CPZ: variants seen among roughly 807,000 people sequenced by gnomAD.
The protein encoded by CPZ is VEZT/CPZ fusion.
In CPZ, 103 loss-of-function variants were observed where a neutral mutation model predicts 61.8. That is an observed-to-expected ratio of 1.67 (90% CI 1.42 to 1.96). The LOEUF (loss-of-function observed/expected upper bound fraction) is 1.96. Ranked by LOEUF, CPZ falls within the 30% of genes most tolerant of loss-of-function variation. The pLI is 0.00. For missense variants in CPZ, 1,461 were observed against 914.9 expected, an observed-to-expected ratio of 1.60 and a Z score of -7.70; for synonymous variants, 551 against 373.7, an observed-to-expected ratio of 1.47 and a Z score of -5.47.
rs529756948 is a variant in CPZ at position 8,601,401 on chromosome 4, G to T, written c.400G>T (p.Asp134Tyr). Residue 134 changes from aspartate (D) to tyrosine (Y), a missense_variant, in exon 3 of 11, where the codon GAC becomes TAC. Physicochemically the swap from Asp to Tyr is radical, Grantham distance 160. Transcript: ENST00000360986. The part of the protein sequence containing the change: ...GLREVCQPAF[D>Y]AIDMAWPYFL... ...GCGGGAGGTCTGCCAGCCCGCCTTCGACGCCATTGACATGGCCTGGCCCTA... is the reference window on the plus strand; with the variant it reads ...GCGGGAGGTCTGCCAGCCCGCCTTCTACGCCATTGACATGGCCTGGCCCTA... 2 of 1,589,614 alleles carry T rather than the reference G, an allele frequency of 1.3e-6. No individual in the cohort carries two copies. Among genetic ancestry groups the T allele is most frequent in the East Asian group, 2.3e-5 (1 of 43,684 alleles).
chr4:8,592,768 G>A lies in CPZ; in HGVS notation c.-66G>A, dbSNP rs1320913243. 4 of 1,204,616 alleles carry A rather than the reference G, an allele frequency of 3.3e-6. No individual in the cohort carries two copies. The East Asian group carries it at 1.3e-4, about 38-fold the overall frequency. The allele number at this position is 1,204,616 out of a possible 1,614,324, so 74.6% of individuals were successfully genotyped here. On this transcript the variant is annotated 5_prime_UTR_variant, in exon 1 of 11. Coordinates refer to ENST00000360986, the MANE Select transcript of CPZ (RefSeq NM_001014447.3). ...GGGGCGGGAGCCCAGCGAGCGCAGA[G>A]CCCCGGCCCCGCGCGGCCCGAGTGC...
intron 4 of CPZ, among the ~76,000 whole-genome samples, chr4:8,605,363 C>T (rs933230194): frequency 1.8e-5 from 2 of 113,160 alleles, no homozygotes; most frequent in African/African-American, 4.5e-5. Context: ...TTCATTCAGC[C>T]ATTACACATC....
chr4:8,593,058 A>G (rs1358244780), intron 1 of CPZ, 137 bp downstream of exon 1: 2 of 668,144 alleles, frequency 3.0e-6, no homozygotes, highest in Admixed American at 6.6e-5. Flanking sequence ...ACGTCTCCAA[A>G]GTGGGCAGCA....
chr4:8,614,267 C>T (rs1364741444), intron 8 of CPZ, 92 bp from the exon 9 acceptor site: 5 of 1,472,042 alleles, frequency 3.4e-6, no homozygotes, highest in Non-Finnish European at 3.6e-6. Context: ...ACCCCGGCGT[C>T]CCGGCTGTCT....
chr4:8,611,888 C>G, intron 7 of CPZ, 139 bp from the exon 8 acceptor site: 1 of 1,238,260 alleles, frequency 8.1e-7, no homozygotes, highest in Non-Finnish European at 1.1e-6. Context: ...CCGTTCCCCT[C>G]TCCTACCTGC....
At chr4:8,616,009 T>C (rs532403984) in intron 9 of CPZ, among the ~76,000 whole-genome samples, 15 of 152,342 alleles carry the variant, frequency 9.8e-5, no homozygotes, top group Non-Finnish European at 1.8e-4. Context: ...CATTGCATTT[T>C]GCGGCTGTCT....
rs150224995 is a variant in CPZ at position 8,614,580 on chromosome 4, C to T, written c.1503+82C>T. ...ACATTCAGGCCCCCAGGGCAGCCCC[C>T]GTAGCCTCACTGCCCCATACACACA... is the stretch of plus-strand genomic sequence containing the variant. On this transcript the variant is annotated intron_variant, in intron 9 of 10. Coordinates refer to ENST00000360986, the MANE Select transcript of CPZ (RefSeq NM_001014447.3). 1,788 of 1,453,784 alleles carry T rather than the reference C, an allele frequency of 1.2e-3. 11 individuals carry two copies. The highest frequency in any genetic ancestry group is 0.011 in the South Asian group (867 of 76,558). The allele number at this position is 1,453,784 out of a possible 1,614,324, so 90.1% of individuals were successfully genotyped here.
intron 6 of CPZ, 81 bp downstream of exon 6, chr4:8,606,979 C>T: frequency 1.4e-6 from 2 of 1,471,426 alleles, no homozygotes; most frequent in South Asian, 1.3e-5. Context: ...TGGAGTTGTC[C>T]TTCCCTGGGG....
At chr4:8,618,779 G>C (rs748340906) in intron 10 of CPZ, among the ~76,000 whole-genome samples, 29 of 152,334 alleles carry the variant, frequency 1.9e-4, no homozygotes, top group Non-Finnish European at 3.5e-4. Flanking sequence ...TGTATTCCTA[G>C]GAAAATGCCG....
chr4:8,607,869 T>C (rs1376755411), intron 7 of CPZ, among the ~76,000 whole-genome samples: 1 of 152,088 alleles, frequency 6.6e-6, no homozygotes, highest in African/African-American at 2.4e-5. Flanking sequence ...GCTTCTCACG[T>C]GCTGGGCTCC....
chr4:8,596,445 G>A (rs1474204081), intron 1 of CPZ, among the ~76,000 whole-genome samples: 3 of 152,224 alleles, frequency 2.0e-5, no homozygotes, highest in African/African-American at 7.2e-5. Context: ...GCGGCCAGTG[G>A]AAGTGGGGGT....
intron 9 of CPZ, 107 bp from the exon 10 acceptor site, chr4:8,618,321 TC>T: frequency 1.9e-6 from 2 of 1,026,690 alleles, no homozygotes; most frequent in Non-Finnish European, 3.0e-6. Flanking sequence ...GTGGGGTAGT[TC>T]CCCCTAGATA....
chr4:8,617,574 A>C (rs1489900828), intron 9 of CPZ, among the ~76,000 whole-genome samples: 1 of 152,220 alleles, frequency 6.6e-6, no homozygotes, highest in Non-Finnish European at 1.5e-5. Context: ...TTTTAAGAGG[A>C]GCAAGATCAT....
rs973104922 is a variant in CPZ at position 8,617,863 on chromosome 4, G to A, written c.1504-566G>A. Among the ~76,000 whole-genome samples, 7 of 152,172 alleles carry A rather than the reference G, an allele frequency of 4.6e-5. No homozygotes were observed. The South Asian group carries it at 1.5e-3, about 32-fold the overall frequency. ...AGGCAGCTTTGGGAGGGCTTTCCAG[G>A]GTGAAAACGTTGGAGCTGTGGGCGT... is the stretch of plus-strand genomic sequence containing the variant. On this transcript the variant is annotated intron_variant, in intron 9 of 10. Coordinates refer to ENST00000360986, the MANE Select transcript of CPZ (RefSeq NM_001014447.3).
At chr4:8,593,197 T>G (rs1713926103) in intron 1 of CPZ, among the ~76,000 whole-genome samples, 1 of 152,128 alleles carries the variant, frequency 6.6e-6, no homozygotes, top group Non-Finnish European at 1.5e-5. Flanking sequence ...GAGATCTTTT[T>G]CCTGTCGGAC....
chr4:8,619,583 G>T lies in CPZ; in HGVS notation c.1925G>T (p.Ser642Ile), dbSNP rs144001774. 6.6e-7 allele frequency: 1 copy of T among 1,519,584 alleles called. No homozygotes were observed. The highest frequency in any genetic ancestry group is 2.3e-5 in the East Asian group (1 of 43,438). The allele number at this position is 1,519,584 out of a possible 1,614,324, so 94.1% of individuals were successfully genotyped here. A position where few individuals can be genotyped will look rare whatever the true frequency, so the allele number is the denominator to read the frequency against. ...TGGTGGTCCTACTTCACATCGCTGA[G>T]CACCCACAGGCCACGCTGGCTGCTC... ...PWWWSYFTSL[S>I]THRPRWLLKY is the part of the protein sequence containing the mutation. The change falls in exon 11 of 11, where the codon AGC (serine) becomes ATC (isoleucine). Residue 642 changes from serine (S) to isoleucine (I), a missense_variant. By Grantham distance (142) the Ser-to-Ile change is moderately radical (BLOSUM62 -2). Transcript: ENST00000360986.
At chr4:8,594,772 ATTC>A (rs1368954429) in intron 1 of CPZ, among the ~76,000 whole-genome samples, 1 of 92,622 alleles carries the variant, frequency 1.1e-5, no homozygotes, top group African/African-American at 4.3e-5. Context: ...TTAATAACAA[ATTC>A]TTTTTTTTTT....
chr4:8,594,074 T>TA (rs1713996894), intron 1 of CPZ, among the ~76,000 whole-genome samples: 1 of 152,194 alleles, frequency 6.6e-6, no homozygotes, highest in African/African-American at 2.4e-5. Flanking sequence ...CCTCCTCCTC[T>TA]GCACGCAGGC....
Position 8,618,490 on chromosome 4 carries a change from GGATCTCAGTCAAAGGCATTCGCCAC to G in CPZ, c.1568_1592del (p.Ile523ThrfsTer41). ...TTCGGCAAGCCAGTCAAAAACGCCC[GGATCTCAGTCAAAGGCATTCGCCAC>G]GACATCACCACAGGTGAGCACGTCC... On this transcript the variant is annotated frameshift_variant, in exon 10 of 11. Coordinates refer to ENST00000360986, the MANE Select transcript of CPZ (RefSeq NM_001014447.3). LOFTEE classifies it low-confidence loss of function (END_TRUNC). The G allele has an allele frequency of 6.2e-7, 1 of 1,614,124 alleles. No individual in the cohort carries two copies. Among genetic ancestry groups the G allele is most frequent in the Non-Finnish European group, 8.5e-7 (1 of 1,180,034 alleles).
Sources: allele counts gnomAD v4.1 joint callset (sites outside exome capture counted in the v4.1 genomes callset), GRCh38; gene constraint gnomAD v4.1.1; transcripts MANE v1.5; gene names NCBI Gene and HGNC (gene_info 2026-07-23, HGNC 2026-07-21).